Variants in GLIS3 observed in about 807,000 individuals in gnomAD.
GLIS3 encodes zinc finger protein GLIS3.
Under a neutral mutation model 78.6 loss-of-function variants are expected in GLIS3, and 53 were observed. That is an observed-to-expected ratio of 0.67 (90% CI 0.54 to 0.85). The LOEUF (loss-of-function observed/expected upper bound fraction) is 0.85. GLIS3 is among the 40% of genes least tolerant of loss of function. The pLI, the probability that GLIS3 is intolerant of heterozygous loss-of-function variation, is 0.00. For missense variants in GLIS3, 1,703 were observed against 1,231.1 expected (o/e 1.38, Z -5.74); for synonymous variants, 684 against 509.9 (o/e 1.34, Z -4.60).
At chr9:4,211,821 A>G (rs992950289) in intron 2 of GLIS3, among the ~76,000 whole-genome samples, 8 of 152,256 alleles carry the variant, frequency 5.3e-5, no homozygotes, top group African/African-American at 1.9e-4. Context: ...CTCATTCAAT[A>G]GAATGTTATT....
the GLIS3 span, among the ~76,000 whole-genome samples, chr9:4,381,894 C>T: frequency 2.0e-5 from 3 of 152,198 alleles, no homozygotes; most frequent in African/African-American, 7.2e-5. Flanking sequence ...ACCCAAGGTT[C>T]TGCTGGAACT....
the GLIS3 span, among the ~76,000 whole-genome samples, chr9:4,398,259 G>A: frequency 1.3e-5 from 2 of 151,706 alleles, no homozygotes; most frequent in African/African-American, 2.4e-5. Context: ...TAGCATAAGT[G>A]GTTATTTTCT....
chr9:4,127,203 A>T (rs1397352879), intron 2 of GLIS3, among the ~76,000 whole-genome samples: 3 of 152,202 alleles, frequency 2.0e-5, no homozygotes, highest in African/African-American at 7.2e-5. Flanking sequence ...GGACACTAAA[A>T]TCCAAGTGGT....
rs538195580 is a variant in GLIS3 at position 3,909,767 on chromosome 9, C to G, written c.1984-10932G>C. Among the ~76,000 whole-genome samples, 184 of 152,206 alleles carry G rather than the reference C, an allele frequency of 1.2e-3. 1 individual carries two copies. The highest frequency in any genetic ancestry group is 2.2e-3 in the Non-Finnish European group (150 of 68,008). On this transcript the variant is annotated intron_variant, in intron 6 of 10. Transcript: ENST00000381971. ...CATAGAATTTCAGAGCAAAAAGGAACTAGGGTCCAAAAGCCTTTCCTGTCA... is the reference window on the plus strand; with the variant it reads ...CATAGAATTTCAGAGCAAAAAGGAAGTAGGGTCCAAAAGCCTTTCCTGTCA...
chr9:3,981,352 G>A (rs1285818735), intron 4 of GLIS3, among the ~76,000 whole-genome samples: 1 of 152,150 alleles, frequency 6.6e-6, no homozygotes, highest in Non-Finnish European at 1.5e-5. Flanking sequence ...GAGAGAAGTC[G>A]ACATTGGATG....
rs540863843 is a variant in GLIS3 at position 4,237,040 on chromosome 9, A to T, written c.388+48998T>A. Among the ~76,000 whole-genome samples, 121 of 152,124 alleles carry T rather than the reference A, an allele frequency of 8.0e-4. 1 individual carries two copies. Among genetic ancestry groups the T allele is most frequent in the Admixed American group, 1.3e-3 (20 of 15,252 alleles). ...CACATGTGGCCACTCTTACTCTGCC[A>T]TGTGGAAATCACAGAAATGTTTTAG... is the stretch of plus-strand genomic sequence containing the variant. On this transcript the variant is annotated intron_variant, in intron 2 of 10. Coordinates refer to ENST00000381971, the MANE Select transcript of GLIS3 (RefSeq NM_001042413.2).
the GLIS3 span, among the ~76,000 whole-genome samples, chr9:4,363,929 G>C: frequency 6.6e-6 from 1 of 152,206 alleles, no homozygotes; most frequent in African/African-American, 2.4e-5. Context: ...TGAGGAAGCA[G>C]GGTGGGACTC....
chr9:4,057,730 A>C (rs370059782), intron 4 of GLIS3, among the ~76,000 whole-genome samples: 5 of 152,228 alleles, frequency 3.3e-5, no homozygotes, highest in Middle Eastern at 3.4e-3. Context: ...AGTTTACTCA[A>C]CTTTTTCAAT....
At chr9:4,206,578 T>C (rs747366064) in intron 2 of GLIS3, among the ~76,000 whole-genome samples, 6 of 152,160 alleles carry the variant, frequency 3.9e-5, no homozygotes, top group Non-Finnish European at 8.8e-5. Context: ...CTGAGGTCAA[T>C]GAAACAAGAG....
At chr9:4,148,663 G>A (rs990253770) in intron 2 of GLIS3, among the ~76,000 whole-genome samples, 1 of 152,032 alleles carries the variant, frequency 6.6e-6, no homozygotes, top group African/African-American at 2.4e-5. Flanking sequence ...TAATGCCTAT[G>A]AACAGGTAAT....
intron 2 of GLIS3, among the ~76,000 whole-genome samples, chr9:4,175,629 T>G (rs1816747782): frequency 6.6e-6 from 1 of 152,200 alleles, no homozygotes; most frequent in Non-Finnish European, 1.5e-5. Context: ...CTTCTGGGAC[T>G]AAACTTCTGA....
intron 6 of GLIS3, among the ~76,000 whole-genome samples, chr9:3,921,316 A>G (rs1003348846): frequency 3.3e-5 from 5 of 152,242 alleles, no homozygotes; most frequent in Non-Finnish European, 7.3e-5. Context: ...CACTAAGTCC[A>G]TTCACAGGCA....
chr9:4,468,391 T>C, the GLIS3 span, among the ~76,000 whole-genome samples: 2 of 152,114 alleles, frequency 1.3e-5, no homozygotes, highest in South Asian at 2.1e-4. Flanking sequence ...GAGAGTAAGG[T>C]TGGGTTACCC....
the GLIS3 span, among the ~76,000 whole-genome samples, chr9:4,476,433 C>T: frequency 6.6e-6 from 1 of 152,118 alleles, no homozygotes; most frequent in South Asian, 2.1e-4. Context: ...AGGATCTCAG[C>T]TCACTGCAAC....
the GLIS3 span, among the ~76,000 whole-genome samples, chr9:4,431,413 A>G: frequency 1.3e-5 from 2 of 152,232 alleles, no homozygotes; most frequent in Admixed American, 6.5e-5. Flanking sequence ...TCTCACTTCT[A>G]TTACAGTTCA....
intron 4 of GLIS3, among the ~76,000 whole-genome samples, chr9:4,053,723 A>AAAAAAAAAAAAAAG (rs33993580): frequency 1.5e-4 from 23 of 151,008 alleles, no homozygotes; most frequent in Non-Finnish European, 3.1e-4. Flanking sequence ...AAAAAAAAAA[A>AAAAAAAAAAAAAAG]TTCTGGATAG....
At position 4,129,139 on chromosome 9, in the gene GLIS3, G is replaced by C. The variant is rs192260793; in HGVS notation, c.389-3198C>G. 1.2e-3 allele frequency among the ~76,000 whole-genome samples: 185 copies of C among 152,302 alleles called. 1 individual carries two copies. Among genetic ancestry groups the C allele is most frequent in the African/African-American group, 4.3e-3 (178 of 41,564 alleles). On this transcript the variant is annotated intron_variant, in intron 2 of 10. Coordinates refer to ENST00000381971, the MANE Select transcript of GLIS3 (RefSeq NM_001042413.2). ...CACTGTGCTCAATACAGCCATCTAA[G>C]TGTTTTTCATAATGCCAGAAACATA...
intron 2 of GLIS3, among the ~76,000 whole-genome samples, chr9:4,186,401 T>A (rs1445282890): frequency 2.6e-5 from 4 of 152,036 alleles, no homozygotes; most frequent in African/African-American, 4.8e-5. Flanking sequence ...TCTATCATTG[T>A]TGGACATTTG....
At chr9:4,147,577 G>C (rs1834324363) in intron 2 of GLIS3, 1 of 152,242 alleles carries the variant, frequency 6.6e-6, no homozygotes, top group Non-Finnish European at 1.5e-5. Context: ...CAGGCAGCAG[G>C]AACATTCAGG....
Sources: gnomAD v4.1 joint callset for allele counts (sites outside exome capture counted in the v4.1 genomes callset) on GRCh38, gnomAD v4.1.1 for gene constraint, MANE v1.5 for transcripts, NCBI Gene and HGNC (gene_info 2026-07-23, HGNC 2026-07-21) for gene names.